The following TRPM3 variants were observed in gnomAD, a reference collection of about 807,000 sequenced individuals.
TRPM3 encodes the protein long transient receptor potential channel 3.
TRPM3 carries 77 observed loss-of-function variants against 181.2 expected under a neutral mutation model. The ratio of observed to expected loss-of-function variants is 0.42; its 90% CI spans 0.35 to 0.51. The LOEUF (loss-of-function observed/expected upper bound fraction) is 0.51. Among genes scored for constraint, TRPM3 ranks in the 20% least tolerant of loss-of-function variants. The probability of loss-of-function intolerance (pLI) is 0.01; values close to 1 mark genes in which losing one functional copy is unlikely to be tolerated. For missense variants in TRPM3, 1,759 were observed against 2,196.7 expected, an observed-to-expected ratio of 0.80 and a Z score of 3.98; for synonymous variants, 745 against 796.4, an observed-to-expected ratio of 0.94 and a Z score of 1.09.
Position 71,302,781 on chromosome 9 carries a change from T to C in TRPM3, c.183+143872A>G, listed in dbSNP as rs1353225703. On this transcript the variant is annotated intron_variant, in intron 1 of 24. Transcript: ENST00000357533. ...ATTGCAGAATATGGAATAAATATTC[T>C]AAAAAAAAAAAGGAAGGAAGGAAGA... 2.6e-5 allele frequency among the ~76,000 whole-genome samples: 3 copies of C among 117,532 alleles called. No individual in the cohort carries two copies. The East Asian group carries it at 7.0e-4, about 27-fold the overall frequency. 77.1% of individuals were successfully genotyped at this position (117,532 alleles called of 152,430 possible).
At chr9:70,616,325 T>G (rs2062770110) in intron 17 of TRPM3, among the ~76,000 whole-genome samples, 1 of 152,070 alleles carries the variant, frequency 6.6e-6, no homozygotes, top group Admixed American at 6.5e-5. Flanking sequence ...TCAGTCTCAT[T>G]TTTGGAGGAA....
chr9:70,599,621 T>G (rs2059549188), intron 20 of TRPM3, among the ~76,000 whole-genome samples: 1 of 152,200 alleles, frequency 6.6e-6, no homozygotes, highest in Admixed American at 6.5e-5. Context: ...TACTTATTCC[T>G]TCTGTTCAGC....
chr9:71,428,167 T>C (rs1160978141), intron 1 of TRPM3, among the ~76,000 whole-genome samples: 3 of 151,924 alleles, frequency 2.0e-5, no homozygotes, highest in Non-Finnish European at 2.9e-5. Flanking sequence ...TCTCAGCTCA[T>C]TGCAACCTCC....
chr9:71,391,878 A>C (rs1416099569), intron 1 of TRPM3, among the ~76,000 whole-genome samples: 1 of 152,098 alleles, frequency 6.6e-6, no homozygotes, highest in Non-Finnish European at 1.5e-5. Flanking sequence ...CAGCTATTAA[A>C]TCACTCAATT....
At chr9:71,141,046 T>G (rs1209034121) in intron 1 of TRPM3, among the ~76,000 whole-genome samples, 1 of 152,224 alleles carries the variant, frequency 6.6e-6, no homozygotes, top group African/African-American at 2.4e-5. Context: ...AAAAAGATTA[T>G]GCATATCACA....
Position 71,243,322 on chromosome 9 carries a change from C to T in TRPM3, c.183+203331G>A, listed in dbSNP as rs7854776. 3.2e-3 allele frequency among the ~76,000 whole-genome samples: 484 copies of T among 152,336 alleles called. 2 individuals are homozygous for T. The highest frequency in any genetic ancestry group is 0.011 in the African/African-American group (453 of 41,584). ...TACAGGCATGAGCCATGGTACCCAG[C>T]CTGCACCTGCTATTCTCTTATTACC... is the stretch of plus-strand genomic sequence containing the variant. On this transcript the variant is annotated intron_variant, in intron 1 of 24. Transcript: ENST00000357533.
intron 1 of TRPM3, among the ~76,000 whole-genome samples, chr9:71,256,510 T>C (rs1018129100): frequency 2.6e-5 from 4 of 151,792 alleles, no homozygotes; most frequent in Non-Finnish European, 5.9e-5. Context: ...AGTGCCATAC[T>C]GGGGAGTATG....
intron 6 of TRPM3, among the ~76,000 whole-genome samples, chr9:70,786,963 T>C (rs1226037029): frequency 1.3e-5 from 2 of 152,154 alleles, no homozygotes; most frequent in African/African-American, 4.8e-5. Flanking sequence ...GTACTTAGCA[T>C]GGACCTTCTA....
intron 1 of TRPM3, among the ~76,000 whole-genome samples, chr9:71,439,808 A>T (rs944436420): frequency 1.3e-5 from 2 of 152,140 alleles, no homozygotes; most frequent in Admixed American, 6.6e-5. Context: ...ACTAAGTTTT[A>T]AAAAAATAAA....
At chr9:71,224,019 A>AG (rs545511324) in intron 1 of TRPM3, among the ~76,000 whole-genome samples, 238 of 152,324 alleles carry the variant, frequency 1.6e-3, no homozygotes, top group African/African-American at 5.4e-3. Flanking sequence ...TGCTAATTGC[A>AG]GAGTCCTAGG....
Position 71,348,735 on chromosome 9 carries a change from T to C in TRPM3, c.183+97918A>G, listed in dbSNP as rs200186991. Among the ~76,000 whole-genome samples the C allele has an allele frequency of 1.3e-4, 19 of 151,934 alleles. No homozygotes were observed. The East Asian group carries it at 2.9e-3, about 23-fold the overall frequency. On this transcript the variant is annotated intron_variant, in intron 1 of 24. Transcript: ENST00000357533. ...GCCCCCTACCAAGCCAGGCTAATTT[T>C]TTTTTTCGTATTTTTACTGGAAGTG...
intron 6 of TRPM3, among the ~76,000 whole-genome samples, chr9:70,786,405 A>T (rs2083627417): frequency 6.6e-6 from 1 of 151,358 alleles, no homozygotes; most frequent in African/African-American, 2.4e-5. Flanking sequence ...GAATTGCTTG[A>T]TCCCGGGAGG....
chr9:70,533,983 TAAAC>T lies in TRPM3; in HGVS notation c.*1966_*1969del, dbSNP rs1225531045. 6.6e-6 allele frequency: 1 copy of T among 152,246 alleles called. No homozygotes were observed. The highest frequency in any genetic ancestry group is 1.5e-5 in the Non-Finnish European group (1 of 68,038). The allele number at this position is 152,246 out of a possible 1,614,324, so 9.4% of individuals were successfully genotyped here. A position where few individuals can be genotyped will look rare whatever the true frequency, so the allele number is the denominator to read the frequency against. On this transcript the variant is annotated 3_prime_UTR_variant, in exon 26 of 26. Coordinates refer to ENST00000677713, the MANE Select transcript of TRPM3 (RefSeq NM_001366145.2). Reference sequence around the variant, plus strand: ...AAAACTTGGTGTTTTCAATTATAATTAAACAAAAGAACCAGGTAGTATCTCAGGC... The same window carrying T: ...AAAACTTGGTGTTTTCAATTATAATTAAAAGAACCAGGTAGTATCTCAGGC...
At chr9:70,918,921 G>A (rs953433866) in intron 1 of TRPM3, among the ~76,000 whole-genome samples, 17 of 152,052 alleles carry the variant, frequency 1.1e-4, no homozygotes, top group Admixed American at 7.9e-4. Context: ...TCTCTTGGTG[G>A]CCATTATTTT....
chr9:70,767,393 G>C (rs560632755), intron 7 of TRPM3, among the ~76,000 whole-genome samples: 2 of 152,126 alleles, frequency 1.3e-5, no homozygotes, highest in African/African-American at 4.8e-5. Flanking sequence ...TAAATATAGA[G>C]ATATAAATAA....
chr9:71,039,215 C>T (rs1266531496), intron 1 of TRPM3, among the ~76,000 whole-genome samples: 3 of 152,132 alleles, frequency 2.0e-5, no homozygotes, highest in East Asian at 1.9e-4. Flanking sequence ...TCCCTCTGAA[C>T]TTTCTGGTGC....
At chr9:71,272,015 T>G (rs2132132869) in intron 1 of TRPM3, among the ~76,000 whole-genome samples, 1 of 152,314 alleles carries the variant, frequency 6.6e-6, no homozygotes, top group East Asian at 1.9e-4. Flanking sequence ...GTCTGAGACA[T>G]AATTTTGGTT....
chr9:70,821,509 A>G (rs505221), intron 6 of TRPM3, among the ~76,000 whole-genome samples: 151,962 of 152,348 alleles, frequency 1, 75,792 homozygotes, highest in Middle Eastern at 1. Flanking sequence ...CATGTTTATT[A>G]AGCAGCTACT....
chr9:70,750,657 T>G (rs555463596), intron 8 of TRPM3, among the ~76,000 whole-genome samples: 1 of 152,272 alleles, frequency 6.6e-6, no homozygotes, highest in Admixed American at 6.5e-5. Context: ...CAGAATAACT[T>G]GGCCACAATT....
Sources: gnomAD v4.1 joint callset for allele counts (sites outside exome capture counted in the v4.1 genomes callset) on GRCh38, gnomAD v4.1.1 for gene constraint, MANE v1.5 for transcripts, NCBI Gene and HGNC (gene_info 2026-07-23, HGNC 2026-07-21) for gene names.